The following ATRX variants were observed in gnomAD, a reference collection of about 807,000 sequenced individuals.
ATRX encodes ATRX chromatin remodeler.
A neutral mutation model predicts 172.6 loss-of-function variants in ATRX; 12 were observed. That is an observed-to-expected ratio of 0.07 (90% CI 0.04 to 0.11). The LOEUF is 0.11. ATRX is among the 10% of genes least tolerant of loss of function. The probability of loss-of-function intolerance (pLI) is 1.00; values close to 1 mark genes in which losing one functional copy is unlikely to be tolerated. For synonymous variants in ATRX, 674 were observed against 594.7 expected, an observed-to-expected ratio of 1.13 and a Z score of -1.94; for missense variants, 1,368 against 1,767.4, an observed-to-expected ratio of 0.77 and a Z score of 4.05.
At chrX:77,570,840 GA>G (rs1169139355) in intron 28 of ATRX, among the ~76,000 whole-genome samples, 2 of 111,538 alleles carry the variant, frequency 1.8e-5, no homozygotes, top group Non-Finnish European at 3.8e-5. Context: ...ATTATATAAA[GA>G]ACTCTCAAAA....
intron 1 of ATRX, among the ~76,000 whole-genome samples, chrX:77,720,888 G>C (rs1409740462): frequency 9.0e-6 from 1 of 111,528 alleles, no homozygotes; most frequent in African/African-American, 3.3e-5. Context: ...GAAAATTTCA[G>C]GCCAATATCC....
intron 1 of ATRX, among the ~76,000 whole-genome samples, chrX:77,774,619 G>C (rs1557201314): frequency 9.0e-6 from 1 of 110,876 alleles, no homozygotes; most frequent in African/African-American, 3.3e-5. Flanking sequence ...GGAGCTTGCA[G>C]TGAGCCAAGA....
chrX:77,651,322 T>C (rs2069231859), intron 15 of ATRX, among the ~76,000 whole-genome samples: 1 of 109,327 alleles, frequency 9.1e-6, no homozygotes, highest in Non-Finnish European at 1.9e-5. Flanking sequence ...TATTATATTA[T>C]TCTCTCCACC....
At chrX:77,701,833 A>AGGC (rs2072535696) in intron 2 of ATRX, among the ~76,000 whole-genome samples, 1 of 112,131 alleles carries the variant, frequency 8.9e-6, no homozygotes, top group Admixed American at 9.4e-5. Flanking sequence ...TGGGAGGCTG[A>AGGC]GGCGGGTGGA....
At chrX:77,592,618 G>C (rs1307251709) in intron 26 of ATRX, among the ~76,000 whole-genome samples, 2 of 107,931 alleles carry the variant, frequency 1.9e-5, no homozygotes, top group African/African-American at 6.8e-5. Context: ...TTCGAGACCA[G>C]CCTGACCAAC....
chrX:77,567,275 C>T (rs1251084197), intron 28 of ATRX, among the ~76,000 whole-genome samples: 3 of 111,240 alleles, frequency 2.7e-5, no homozygotes, highest in East Asian at 2.8e-4. Flanking sequence ...TAAATATAAA[C>T]GGTCTATATA....
chrX:77,784,120 T>C (rs1311958578), intron 1 of ATRX, among the ~76,000 whole-genome samples: 1 of 112,205 alleles, frequency 8.9e-6, no homozygotes, highest in African/African-American at 3.2e-5. Flanking sequence ...GTTAAGAACA[T>C]AAGCTGTGAA....
chrX:77,508,250 C>T lies in ATRX; in HGVS notation c.*101G>A. ...TATGGAAGATTGGCATTTAAGGGGA[C>T]CAAACTATTTATACAGTTGAGTTCT... On this transcript the variant is annotated 3_prime_UTR_variant, in exon 35 of 35. Transcript: ENST00000373344. 9.7e-7 allele frequency: 1 copy of T among 1,032,128 alleles called. No homozygotes were observed. The highest frequency in any genetic ancestry group is 1.3e-6 in the Non-Finnish European group (1 of 756,027). The allele number at this position is 1,032,128 out of a possible 1,213,427, so 85.1% of individuals were successfully genotyped here.
At chrX:77,666,921 G>A (rs782545543) in intron 10 of ATRX, among the ~76,000 whole-genome samples, 2 of 111,593 alleles carry the variant, frequency 1.8e-5, no homozygotes, top group African/African-American at 3.2e-5. Context: ...GTGAGAAAAC[G>A]TTTAAACATT....
At chrX:77,757,222 T>C (rs1259648417) in intron 1 of ATRX, among the ~76,000 whole-genome samples, 1 of 111,846 alleles carries the variant, frequency 8.9e-6, no homozygotes, top group African/African-American at 3.3e-5. Context: ...TCTCATGAAA[T>C]CTTCATCTTG....
Position 77,508,471 on chromosome X carries a change from C to T in ATRX, c.7359G>A (p.Gln2453=), listed in dbSNP as rs1463840080. Residue 2453 remains glutamine (Q), a synonymous_variant, in exon 35 of 35, where the codon CAG becomes CAA. Coordinates refer to ENST00000373344, the MANE Select transcript of ATRX (RefSeq NM_000489.6). ...NLIMNPSNYQ[Q]IDMRGMYQPV... is the part of the protein sequence containing the mutation. ...GCTGATACATTCCTCTCATATCAAT[C>T]TGCTGGTAGTTAGAAGGATTCATGA... The T allele has an allele frequency of 8.3e-7, 1 of 1,209,837 alleles. No homozygotes were observed. Among genetic ancestry groups the T allele is most frequent in the African/African-American group, 1.8e-5 (1 of 57,062 alleles).
intron 21 of ATRX, 125 bp downstream of exon 21, chrX:77,618,681 T>C: frequency 1.4e-6 from 1 of 695,096 alleles, no homozygotes; most frequent in Non-Finnish European, 2.2e-6. Flanking sequence ...GATATAACTG[T>C]AAAACTATCT....
At chrX:77,547,707 G>C (rs2064299936) in intron 30 of ATRX, among the ~76,000 whole-genome samples, 1 of 111,523 alleles carries the variant, frequency 9.0e-6, no homozygotes, top group African/African-American at 3.3e-5. Flanking sequence ...TAACTTTATT[G>C]AAAGTGAAGA....
intron 1 of ATRX, among the ~76,000 whole-genome samples, chrX:77,753,836 T>C (rs1380530952): frequency 1.8e-5 from 2 of 111,885 alleles, no homozygotes; most frequent in Non-Finnish European, 3.8e-5. Flanking sequence ...TAGAGAGTTC[T>C]GTAGGTTACT....
chrX:77,687,147 C>T (rs45571038), intron 7 of ATRX, among the ~76,000 whole-genome samples: 2,104 of 67,228 alleles, frequency 0.031, 46 homozygotes, highest in Non-Finnish European at 0.042. Context: ...AGCAAGACTC[C>T]GTCTCAAAAA....
chrX:77,631,999 T>C, intron 19 of ATRX, among the ~76,000 whole-genome samples: 1 of 111,045 alleles, frequency 9.0e-6, no homozygotes, highest in East Asian at 2.8e-4. Flanking sequence ...TTTTTTTGTT[T>C]TTTTGTTTTT....
intron 27 of ATRX, among the ~76,000 whole-genome samples, chrX:77,588,913 A>G (rs1450425651): frequency 8.9e-6 from 1 of 112,330 alleles, no homozygotes; most frequent in Non-Finnish European, 1.9e-5. Context: ...AATTAAAATC[A>G]TAAGATACCA....
chrX:77,776,442 C>T (rs1190616842), intron 1 of ATRX, among the ~76,000 whole-genome samples: 1 of 111,704 alleles, frequency 9.0e-6, no homozygotes, highest in African/African-American at 3.3e-5. Flanking sequence ...TTAGTCAGTT[C>T]CTCAATAATG....
chrX:77,724,882 T>C (rs1244837397), intron 1 of ATRX, among the ~76,000 whole-genome samples: 1 of 112,243 alleles, frequency 8.9e-6, no homozygotes, highest in East Asian at 2.8e-4. Flanking sequence ...GAAATGTGTA[T>C]GTCCTATCTT....
Sources: allele counts gnomAD v4.1 joint callset (sites outside exome capture counted in the v4.1 genomes callset), GRCh38; gene constraint gnomAD v4.1.1; transcripts MANE v1.5; gene names NCBI Gene and HGNC (gene_info 2026-07-23, HGNC 2026-07-21).